AATF: variants seen among roughly 807,000 people sequenced by gnomAD.
The protein encoded by AATF is apoptosis antagonizing transcription factor.
A neutral mutation model predicts 63.7 loss-of-function variants in AATF; 48 were observed. The ratio of observed to expected loss-of-function variants is 0.75; its 90% CI spans 0.60 to 0.96. The LOEUF is 0.96. Ranked by LOEUF, AATF falls within the 40% of genes least tolerant of loss-of-function variation. AATF has a pLI of 0.00. For synonymous variants in AATF, 258 were observed against 247.7 expected (o/e 1.04, Z -0.39); for missense variants, 639 against 685.7 (o/e 0.93, Z 0.76).
At chr17:36,951,619 G>A (rs1398610241) in intron 2 of AATF, among the ~76,000 whole-genome samples, 1 of 152,158 alleles carries the variant, frequency 6.6e-6, no homozygotes, top group Non-Finnish European at 1.5e-5. Context: ...TTTGCTCAAG[G>A]TCATATAGTT....
chr17:36,963,299 C>T, intron 4 of AATF, among the ~76,000 whole-genome samples: 1 of 152,280 alleles, frequency 6.6e-6, no homozygotes, highest in Non-Finnish European at 1.5e-5. Flanking sequence ...AACAGAATAT[C>T]AATCTAGTGC....
chr17:36,952,018 G>C (rs961378794), intron 2 of AATF, among the ~76,000 whole-genome samples: 2 of 152,186 alleles, frequency 1.3e-5, no homozygotes, highest in Non-Finnish European at 2.9e-5. Context: ...CTAAGCATAA[G>C]TCAAACAAAG....
At chr17:37,051,421 A>G (rs893349716) in intron 11 of AATF, among the ~76,000 whole-genome samples, 5 of 152,106 alleles carry the variant, frequency 3.3e-5, no homozygotes, top group Non-Finnish European at 5.9e-5. Context: ...GCTCCTTTGT[A>G]CTGTTTGCCC....
intron 8 of AATF, among the ~76,000 whole-genome samples, chr17:37,000,981 T>G (rs1326987179): frequency 1.3e-5 from 2 of 151,200 alleles, no homozygotes; most frequent in African/African-American, 4.9e-5. Flanking sequence ...AAAAGGTAAA[T>G]TCAGTATTAT....
Position 36,989,299 on chromosome 17 carries a change from T to C in AATF, c.1202T>C (p.Met401Thr). 6.2e-7 allele frequency: 1 copy of C among 1,613,952 alleles called. No individual in the cohort carries two copies. Among genetic ancestry groups the C allele is most frequent in the African/African-American group, 1.3e-5 (1 of 75,034 alleles). The change falls in exon 7 of 12, where the codon ATG becomes ACG. Residue 401 changes from methionine (M) to threonine (T), a missense_variant. By Grantham distance (81) the Met-to-Thr change is moderately conservative. Transcript: ENST00000619387. ...SILTQIDHIL[M>T]DKERLLRRTQ... Reference sequence around the variant, plus strand: ...TTGACTCAGATCGACCATATTCTGATGGACAAAGAGAGATTACTTCGAAGG... The same window carrying C: ...TTGACTCAGATCGACCATATTCTGACGGACAAAGAGAGATTACTTCGAAGG...
chr17:36,953,168 C>G lies in AATF; in HGVS notation c.566C>G (p.Ser189Cys). The G allele has an allele frequency of 6.2e-7, 1 of 1,614,046 alleles. No individual in the cohort carries two copies. The highest frequency in any genetic ancestry group is 8.5e-7 in the Non-Finnish European group (1 of 1,180,008). ...GAAGAAGGGGATGACGCGGAAGACT[C>G]CCAAGGCGAGAGTGAGGAAGACAGG... ...GMEEGDDAED[S>C]QGESEEDRAG... The change falls in exon 3 of 12, where the codon TCC (serine) becomes TGC (cysteine). Residue 189 changes from serine (S) to cysteine (C), a missense_variant. Physicochemically the swap from Ser to Cys is moderately radical, Grantham distance 112. Coordinates refer to ENST00000619387, the MANE Select transcript of AATF (RefSeq NM_012138.4).
chr17:37,056,745 G>T lies in AATF; in HGVS notation c.*81G>T. On this transcript the variant is annotated 3_prime_UTR_variant, in exon 12 of 12. Transcript: ENST00000619387. Reference sequence around the variant, plus strand: ...GATGGAGGAAACCAGTGACTTTATGGGGCTGAGCTAGTAGGGAAGCCCCTG... The same window carrying T: ...GATGGAGGAAACCAGTGACTTTATGTGGCTGAGCTAGTAGGGAAGCCCCTG... 1 of 1,460,970 alleles carries T rather than the reference G, an allele frequency of 6.8e-7. No individual in the cohort carries two copies. The highest frequency in any genetic ancestry group is 1.1e-5 in the South Asian group (1 of 87,094). The allele number at this position is 1,460,970 out of a possible 1,614,324, so 90.5% of individuals were successfully genotyped here. A position where few individuals can be genotyped will look rare whatever the true frequency, so the allele number is the denominator to read the frequency against.
chr17:36,988,721 G>A lies in AATF; in HGVS notation c.1149+1G>A, dbSNP rs762870522. ...ACTGGCTTCTGGAAAACTGGGGAAG[G>A]CAAGTGTGTGTATGCGCGCATGTAT... On this transcript the variant is annotated splice_donor_variant, in intron 6 of 11. Transcript: ENST00000619387. LOFTEE classifies it high-confidence loss of function. 1.9e-6 allele frequency: 3 copies of A among 1,613,454 alleles called. No individual in the cohort carries two copies. Among genetic ancestry groups the A allele is most frequent in the East Asian group, 2.2e-5 (1 of 44,896 alleles).
intron 4 of AATF, among the ~76,000 whole-genome samples, chr17:36,970,827 G>A (rs547655600): frequency 6.6e-6 from 1 of 151,734 alleles, no homozygotes; most frequent in African/African-American, 2.4e-5. Flanking sequence ...CACCATTCCC[G>A]GCCTGGATAG....
intron 1 of AATF, 31 bp from the exon 2 acceptor site, chr17:36,950,183 A>G (rs1229514379): frequency 1.2e-6 from 2 of 1,602,582 alleles, no homozygotes; most frequent in African/African-American, 1.3e-5. Context: ...TAACCTGGAG[A>G]TTCTGTTTAC....
intron 10 of AATF, among the ~76,000 whole-genome samples, chr17:37,027,831 A>G (rs1047404456): frequency 5.3e-5 from 8 of 152,320 alleles, no homozygotes; most frequent in African/African-American, 1.2e-4. Context: ...ACTGTATTGC[A>G]TAACACAACT....
intron 4 of AATF, among the ~76,000 whole-genome samples, chr17:36,963,094 G>A (rs569764260): frequency 6.6e-6 from 1 of 152,284 alleles, no homozygotes; most frequent in South Asian, 2.1e-4. Flanking sequence ...ACTCCAGCCT[G>A]ACAAGAGCAA....
chr17:36,952,301 T>C (rs1567962251), intron 2 of AATF, among the ~76,000 whole-genome samples: 1 of 152,248 alleles, frequency 6.6e-6, no homozygotes, highest in Non-Finnish European at 1.5e-5. Context: ...AATATAATTA[T>C]TGGCATGCAT....
At position 36,953,810 on chromosome 17, in the gene AATF, A is replaced by G. The variant is rs778269703; in HGVS notation, c.735A>G (p.Gln245=). ...DQLLEGRIKL[Q]KALLTTNQLP... Reference sequence around the variant, plus strand: ...TCTTGGAAGGAAGGATCAAACTACAAAAAGCTCTGTTGACCACCAACCAGC... The same window carrying G: ...TCTTGGAAGGAAGGATCAAACTACAGAAAGCTCTGTTGACCACCAACCAGC... The change falls in exon 4 of 12, where the codon CAA becomes CAG. Residue 245 remains glutamine, a synonymous_variant. Transcript: ENST00000619387. 12 of 1,614,092 alleles carry G rather than the reference A, an allele frequency of 7.4e-6. No individual in the cohort carries two copies. The highest frequency in any genetic ancestry group is 5.5e-5 in the South Asian group (5 of 91,072).
chr17:36,966,840 G>GGCC (rs1159104867), intron 4 of AATF, among the ~76,000 whole-genome samples: 30 of 152,228 alleles, frequency 2.0e-4, no homozygotes, highest in Non-Finnish European at 1.6e-4. Flanking sequence ...CTGGCCTCAA[G>GGCC]TGATCCTCCT....
intron 8 of AATF, among the ~76,000 whole-genome samples, chr17:37,004,913 A>G (rs1018102870): frequency 2.6e-5 from 4 of 152,180 alleles, no homozygotes; most frequent in African/African-American, 4.8e-5. Context: ...GAGATTTAAC[A>G]TGGCTTGGGG....
intron 4 of AATF, among the ~76,000 whole-genome samples, chr17:36,970,697 G>A (rs1030459829): frequency 2.6e-5 from 4 of 151,812 alleles, no homozygotes; most frequent in Admixed American, 2.6e-4. Context: ...ATGCCATCAT[G>A]GCCTGCTAAA....
chr17:37,016,347 C>T (rs1165143740), intron 8 of AATF, among the ~76,000 whole-genome samples: 1 of 152,090 alleles, frequency 6.6e-6, no homozygotes, highest in Non-Finnish European at 1.5e-5. Flanking sequence ...TGATTAGATG[C>T]TTAATAGTAC....
intron 5 of AATF, among the ~76,000 whole-genome samples, chr17:36,987,170 T>G (rs2071175821): frequency 6.6e-6 from 1 of 151,066 alleles, no homozygotes; most frequent in South Asian, 2.1e-4. Context: ...TTTTTTTTTT[T>G]TGTAGAGACA....
Sources: gnomAD v4.1 joint callset for allele counts (sites outside exome capture counted in the v4.1 genomes callset) on GRCh38, gnomAD v4.1.1 for gene constraint, MANE v1.5 for transcripts, NCBI Gene and HGNC (gene_info 2026-07-23, HGNC 2026-07-21) for gene names.